NLGN1: variants seen among roughly 807,000 people sequenced by gnomAD.
The protein encoded by NLGN1 is neuroligin-1.
Under a neutral mutation model 65.5 loss-of-function variants are expected in NLGN1, and 12 were observed. The observed-to-expected ratio is 0.18, with a 90% CI of 0.12 to 0.30. The LOEUF is 0.30. Among genes scored for constraint, NLGN1 ranks in the 10% least tolerant of loss-of-function variants. The pLI is 1.00. For missense variants in NLGN1, 750 were observed against 1,007.1 expected, an observed-to-expected ratio of 0.74 and a Z score of 3.46; for synonymous variants, 350 against 359.5, an observed-to-expected ratio of 0.97 and a Z score of 0.30.
intron 2 of NLGN1, among the ~76,000 whole-genome samples, chr3:173,486,822 G>C (rs1171001457): frequency 6.6e-6 from 1 of 151,960 alleles, no homozygotes; most frequent in Admixed American, 6.6e-5. Context: ...ACTAATTTCT[G>C]TTCAAATAGA....
At chr3:173,420,050 TGATA>T (rs769187128) in intron 1 of NLGN1, among the ~76,000 whole-genome samples, 34 of 147,148 alleles carry the variant, frequency 2.3e-4, no homozygotes, top group Non-Finnish European at 4.3e-4. Context: ...TCCATTTGCT[TGATA>T]GATCTTTTTT....
At chr3:173,571,987 AAG>A (rs1435494140) in intron 2 of NLGN1, among the ~76,000 whole-genome samples, 2 of 152,226 alleles carry the variant, frequency 1.3e-5, no homozygotes, top group Non-Finnish European at 2.9e-5. Flanking sequence ...GATGAGGAAA[AAG>A]AATAATTTTT....
At chr3:173,403,291 T>C (rs1021980252) in intron 1 of NLGN1, among the ~76,000 whole-genome samples, 5 of 152,140 alleles carry the variant, frequency 3.3e-5, no homozygotes, top group Admixed American at 2.6e-4. Flanking sequence ...TTTGTCATCG[T>C]ATACCTATCT....
At chr3:173,619,658 T>A (rs1753677419) in intron 3 of NLGN1, among the ~76,000 whole-genome samples, 1 of 152,178 alleles carries the variant, frequency 6.6e-6, no homozygotes, top group Non-Finnish European at 1.5e-5. Context: ...CACAGATAGG[T>A]TACTGTGCAA....
intron 4 of NLGN1, among the ~76,000 whole-genome samples, chr3:173,856,359 G>T (rs916265292): frequency 3.9e-5 from 6 of 152,058 alleles, no homozygotes; most frequent in African/African-American, 1.4e-4. Flanking sequence ...CTATGCTGTA[G>T]GTGGTATTAC....
chr3:173,912,833 T>C (rs1579144651), intron 4 of NLGN1, among the ~76,000 whole-genome samples: 1 of 152,288 alleles, frequency 6.6e-6, no homozygotes, highest in East Asian at 1.9e-4. Context: ...CTGAAGATTG[T>C]AACTGGCTAG....
chr3:174,043,108 C>T (rs545001166), intron 4 of NLGN1, among the ~76,000 whole-genome samples: 1 of 152,292 alleles, frequency 6.6e-6, no homozygotes, highest in East Asian at 1.9e-4. Context: ...AGAACTCACT[C>T]ACCATCATGA....
chr3:173,600,909 C>T (rs1315005888), intron 2 of NLGN1, among the ~76,000 whole-genome samples: 4 of 151,890 alleles, frequency 2.6e-5, no homozygotes, highest in African/African-American at 9.7e-5. Flanking sequence ...CTAATGTTCT[C>T]CCTACTCCTT....
At chr3:174,041,689 A>C (rs1732349345) in intron 4 of NLGN1, among the ~76,000 whole-genome samples, 2 of 152,054 alleles carry the variant, frequency 1.3e-5, no homozygotes, top group Admixed American at 6.5e-5. Flanking sequence ...CATTTCTCTA[A>C]TGATTACTGA....
chr3:174,135,869 T>A (rs1239774890), intron 4 of NLGN1, among the ~76,000 whole-genome samples: 3 of 152,134 alleles, frequency 2.0e-5, no homozygotes, highest in African/African-American at 7.2e-5. Context: ...CAGACCCAGA[T>A]CAAATCTGGT....
chr3:174,243,604 A>T (rs983060963), intron 4 of NLGN1, among the ~76,000 whole-genome samples: 17 of 151,802 alleles, frequency 1.1e-4, no homozygotes, highest in African/African-American at 4.1e-4. Flanking sequence ...CATTTCTAAT[A>T]TTTTTTTCTG....
chr3:173,751,733 A>C (rs1776322024), intron 3 of NLGN1, among the ~76,000 whole-genome samples: 1 of 152,110 alleles, frequency 6.6e-6, no homozygotes, highest in Admixed American at 6.6e-5. Flanking sequence ...GTGAAGGTTT[A>C]AGGGGGCTTG....
intron 4 of NLGN1, among the ~76,000 whole-genome samples, chr3:173,980,245 A>G (rs1235680475): frequency 1.3e-5 from 2 of 152,090 alleles, no homozygotes; most frequent in Non-Finnish European, 1.5e-5. Flanking sequence ...ACACTGAACA[A>G]AAGTAACATT....
chr3:174,280,715 A>C lies in NLGN1; in HGVS notation c.1884A>C (p.Lys628Asn), dbSNP rs1751396646. The stretch of plus-strand genomic sequence containing the variant: ...CTCAGTATACCTCTACAACAACTAA[A>C]GTGCCATCAACTGACATCACTTTCA... The change falls in exon 7 of 7, where the codon AAA becomes AAC. Residue 628 changes from lysine to asparagine, a missense_variant. Transcript: ENST00000457714. The surrounding 1 kb of genome is among the most constrained non-coding windows in gnomAD (Gnocchi z 4.9). 6.2e-7 allele frequency: 1 copy of C among 1,613,396 alleles called. No homozygotes were observed. The highest frequency in any genetic ancestry group is 1.7e-5 in the Admixed American group (1 of 59,932).
intron 4 of NLGN1, among the ~76,000 whole-genome samples, chr3:174,044,824 A>AC (rs1258208833): frequency 6.6e-6 from 1 of 151,954 alleles, no homozygotes; most frequent in African/African-American, 2.4e-5. Flanking sequence ...GGGGGCAGTT[A>AC]CCCCCGTGCT....
chr3:174,088,329 T>G, intron 4 of NLGN1, among the ~76,000 whole-genome samples: 1 of 152,200 alleles, frequency 6.6e-6, no homozygotes, highest in East Asian at 1.9e-4. Context: ...AGGAGGCCTT[T>G]GGAGAACATT....
intron 2 of NLGN1, among the ~76,000 whole-genome samples, chr3:173,539,784 ATG>A (rs1738424492): frequency 9.7e-6 from 1 of 103,074 alleles, no homozygotes; most frequent in Non-Finnish European, 1.9e-5. Flanking sequence ...ACACATATAT[ATG>A]TACATATATA....
intron 4 of NLGN1, among the ~76,000 whole-genome samples, chr3:174,086,754 A>C (rs1743481931): frequency 1.3e-5 from 2 of 152,114 alleles, no homozygotes; most frequent in Non-Finnish European, 2.9e-5. Context: ...TATTTGAATA[A>C]TGCAAAATAA....
intron 2 of NLGN1, among the ~76,000 whole-genome samples, chr3:173,603,821 T>C (rs1750950364): frequency 6.6e-6 from 1 of 152,102 alleles, no homozygotes. Context: ...CCTTTTTGTT[T>C]GTTTTCCAAT....
Sources: gnomAD v4.1 joint callset for allele counts (sites outside exome capture counted in the v4.1 genomes callset) on GRCh38, gnomAD v4.1.1 for gene constraint, Gnocchi (gnomAD v3.1) non-coding constraint, MANE v1.5 for transcripts, NCBI Gene and HGNC (gene_info 2026-07-23, HGNC 2026-07-21) for gene names.